RAB39A: variants seen among roughly 807,000 people sequenced by gnomAD.
RAB39A encodes the protein ras-related protein Rab-39A.
A neutral mutation model predicts 20.9 loss-of-function variants in RAB39A; 17 were observed. That is an observed-to-expected ratio of 0.81 (90% CI 0.56 to 1.22). The LOEUF is 1.22. RAB39A is among the 50% of genes most tolerant of loss of function. RAB39A has a pLI of 0.00. For synonymous variants in RAB39A, 99 were observed against 103.4 expected, an observed-to-expected ratio of 0.96 and a Z score of 0.26; for missense variants, 234 against 270.5, an observed-to-expected ratio of 0.87 and a Z score of 0.95.
chr11:107,946,452 ATATATATATTTTTT>A (rs1861316720), intron 1 of RAB39A, among the ~76,000 whole-genome samples: 2 of 71,778 alleles, frequency 2.8e-5, no homozygotes, highest in Admixed American at 3.6e-4. Flanking sequence ...ATATATATAT[ATATATATATTTTTT>A]TTTTTTTTTT....
intron 1 of RAB39A, among the ~76,000 whole-genome samples, chr11:107,936,200 T>A (rs542172160): frequency 6.6e-6 from 1 of 152,090 alleles, no homozygotes; most frequent in Non-Finnish European, 1.5e-5. Context: ...GCACCTGGCG[T>A]CATTTTCCTA....
At chr11:107,957,065 G>A (rs1304196351) in intron 1 of RAB39A, among the ~76,000 whole-genome samples, 1 of 152,082 alleles carries the variant, frequency 6.6e-6, no homozygotes, top group Non-Finnish European at 1.5e-5. Flanking sequence ...CAGTTTTGGA[G>A]GTAATTAATA....
At chr11:107,946,974 G>A (rs1861325771) in intron 1 of RAB39A, among the ~76,000 whole-genome samples, 1 of 151,742 alleles carries the variant, frequency 6.6e-6, no homozygotes, top group African/African-American at 2.4e-5. Context: ...GGAGGCGGAG[G>A]TTGCTGTGTG....
chr11:107,935,904 T>TG (rs1213374856), intron 1 of RAB39A, among the ~76,000 whole-genome samples: 136 of 2,468 alleles, frequency 0.055, no homozygotes, highest in African/African-American at 0.074. Flanking sequence ...TGGCCACTTT[T>TG]TTTTTTTTTT....
At chr11:107,954,962 A>G (rs571329694) in intron 1 of RAB39A, among the ~76,000 whole-genome samples, 3 of 150,324 alleles carry the variant, frequency 2.0e-5, no homozygotes, top group Non-Finnish European at 4.4e-5. Flanking sequence ...ACAAAAGTAT[A>G]ATAGTATTTG....
rs988113658 is a variant in RAB39A at position 107,938,712 on chromosome 11, G to A, written c.227+9917G>A. 2.0e-5 allele frequency among the ~76,000 whole-genome samples: 3 copies of A among 150,940 alleles called. No homozygotes were observed. In the South Asian group the frequency reaches 6.3e-4, roughly 32 times the overall value. The stretch of plus-strand genomic sequence containing the variant: ...GACTGTGCCACTGCACTCCAGCCTG[G>A]GCAACAGAGAGAGGCCCTATCTCAA... On this transcript the variant is annotated intron_variant, in intron 1 of 1. Transcript: ENST00000320578.
At chr11:107,954,945 T>A (rs1250844646) in intron 1 of RAB39A, among the ~76,000 whole-genome samples, 10 of 149,782 alleles carry the variant, frequency 6.7e-5, no homozygotes, top group African/African-American at 2.2e-4. Context: ...AAGCCAAGAA[T>A]TATTTTACAA....
intron 1 of RAB39A, among the ~76,000 whole-genome samples, chr11:107,960,221 A>G (rs1861481708): frequency 6.6e-6 from 1 of 152,162 alleles, no homozygotes; most frequent in African/African-American, 2.4e-5. Context: ...AAAAAAAAAA[A>G]AAAAATCCAA....
intron 1 of RAB39A, among the ~76,000 whole-genome samples, chr11:107,958,027 G>A (rs1310485714): frequency 6.6e-6 from 1 of 152,046 alleles, no homozygotes; most frequent in Admixed American, 6.6e-5. Context: ...AAGTAGCTTG[G>A]ACTACAGGCA....
chr11:107,936,200 T>C (rs542172160), intron 1 of RAB39A, among the ~76,000 whole-genome samples: 1 of 152,208 alleles, frequency 6.6e-6, no homozygotes, highest in Admixed American at 6.5e-5. Context: ...GCACCTGGCG[T>C]CATTTTCCTA....
chr11:107,940,201 C>T (rs1294754340), intron 1 of RAB39A, among the ~76,000 whole-genome samples: 2 of 152,064 alleles, frequency 1.3e-5, no homozygotes, highest in African/African-American at 4.8e-5. Context: ...TACTGAGGTA[C>T]ACACACAGAC....
rs547853139 is a variant in RAB39A, at chr11:107,956,415, A to G, written c.228-5531A>G. On this transcript the variant is annotated intron_variant, in intron 1 of 1. Transcript: ENST00000320578. ...AAGCCAGTAGCATGGATCCAGAAAGAGGAAAGGAGGGAAAAGGACGCTATA... is the reference window on the plus strand; with the variant it reads ...AAGCCAGTAGCATGGATCCAGAAAGGGGAAAGGAGGGAAAAGGACGCTATA... Among the ~76,000 whole-genome samples the G allele has an allele frequency of 3.3e-5, 5 of 152,342 alleles. No homozygotes were observed. In the East Asian group the frequency reaches 5.8e-4, roughly 18 times the overall value.
chr11:107,939,899 A>G (rs1172284472), intron 1 of RAB39A, among the ~76,000 whole-genome samples: 1 of 152,208 alleles, frequency 6.6e-6, no homozygotes, highest in Non-Finnish European at 1.5e-5. Context: ...TTGTGAGTCC[A>G]TGGATCACCG....
At chr11:107,958,157 G>T (rs1482432671) in intron 1 of RAB39A, among the ~76,000 whole-genome samples, 3 of 152,234 alleles carry the variant, frequency 2.0e-5, no homozygotes, top group East Asian at 3.9e-4. Context: ...CTCCCAAATT[G>T]CTGGGATTAC....
intron 1 of RAB39A, among the ~76,000 whole-genome samples, chr11:107,958,873 G>C (rs930243190): frequency 6.6e-6 from 1 of 152,012 alleles, no homozygotes; most frequent in Non-Finnish European, 1.5e-5. Flanking sequence ...TTATCCTAGT[G>C]CTCTGGGAGG....
In RAB39A at chr11:107,928,894, C is replaced by T. The variant is rs1290874652; in HGVS notation, c.227+99C>T. On this transcript the variant is annotated intron_variant, in intron 1 of 1. Coordinates refer to ENST00000320578, the MANE Select transcript of RAB39A (RefSeq NM_017516.3). This position sits in a 1 kb window ranked among gnomAD's most constrained non-coding sequence, Gnocchi z 4.9. ...CCCCGCCGGCCCTGGTCGGGAGAGG[C>T]TCTGGCCCTTCCCTCTCGAAAGTGC... 1.0e-6 allele frequency: 1 copy of T among 973,202 alleles called. No homozygotes were observed. Among genetic ancestry groups the T allele is most frequent in the Non-Finnish European group, 1.5e-6 (1 of 682,612 alleles). The allele number at this position is 973,202 out of a possible 1,614,324, so 60.3% of individuals were successfully genotyped here. A position where few individuals can be genotyped will look rare whatever the true frequency, so the allele number is the denominator to read the frequency against.
At chr11:107,945,895 T>G (rs555549170) in intron 1 of RAB39A, among the ~76,000 whole-genome samples, 3 of 152,188 alleles carry the variant, frequency 2.0e-5, no homozygotes, top group African/African-American at 2.4e-5. Context: ...AATGTTGTTA[T>G]GTTGGATGCT....
At chr11:107,947,531 GAA>G (rs1861331274) in intron 1 of RAB39A, among the ~76,000 whole-genome samples, 1 of 152,086 alleles carries the variant, frequency 6.6e-6, no homozygotes, top group Non-Finnish European at 1.5e-5. Context: ...AGCAATTCAA[GAA>G]AGTTTTCTAA....
At chr11:107,930,813 G>A (rs560608904) in intron 1 of RAB39A, among the ~76,000 whole-genome samples, 149 of 151,744 alleles carry the variant, frequency 9.8e-4, no homozygotes, top group Non-Finnish European at 1.9e-3. Flanking sequence ...CCAAGATCAC[G>A]CCACTGCACT....
Sources: gnomAD v4.1 joint callset for allele counts (sites outside exome capture counted in the v4.1 genomes callset) on GRCh38, gnomAD v4.1.1 for gene constraint, Gnocchi (gnomAD v3.1) non-coding constraint, MANE v1.5 for transcripts, NCBI Gene and HGNC (gene_info 2026-07-23, HGNC 2026-07-21) for gene names.